The following TXNL1 variants were observed in gnomAD, a reference collection of about 807,000 sequenced individuals.
The protein encoded by TXNL1 is thioredoxin-like protein 1.
Under a neutral mutation model 35.5 loss-of-function variants are expected in TXNL1, and 14 were observed. The observed-to-expected ratio is 0.39, with a 90% CI of 0.26 to 0.62. The LOEUF (loss-of-function observed/expected upper bound fraction) is 0.62, where lower values mean the gene tolerates loss of function less well. Ranked by LOEUF, TXNL1 falls within the 20% of genes least tolerant of loss-of-function variation. TXNL1 has a pLI of 0.47. For missense variants in TXNL1, 263 were observed against 349.7 expected (o/e 0.75, Z 1.98); for synonymous variants, 110 against 115.5 (o/e 0.95, Z 0.31).
chr18:56,607,817 T>C (rs111559021), intron 7 of TXNL1, among the ~76,000 whole-genome samples: 5,698 of 152,098 alleles, frequency 0.037, 363 homozygotes, highest in African/African-American at 0.13. Context: ...GATCGCACCA[T>C]TGCACTACAG....
Position 56,638,579 on chromosome 18 carries a change from C to A in TXNL1, c.-139G>T. The A allele has an allele frequency of 1.2e-6, 1 of 823,162 alleles. No individual in the cohort carries two copies. Among genetic ancestry groups the A allele is most frequent in the Admixed American group, 3.2e-5 (1 of 31,462 alleles). The allele number at this position is 823,162 out of a possible 1,614,324, so 51.0% of individuals were successfully genotyped here. On this transcript the variant is annotated 5_prime_UTR_variant, in exon 1 of 8. Transcript: ENST00000217515. ...GAGGTGGCGACCGCCGAGTCTTCTC[C>A]CGGGACTCTCAGTGCCGAGTCACGC...
intron 1 of TXNL1, among the ~76,000 whole-genome samples, chr18:56,630,176 AAC>A (rs1331564787): frequency 6.6e-6 from 1 of 151,986 alleles, no homozygotes; most frequent in East Asian, 1.9e-4. Context: ...CAGCCTGGGC[AAC>A]AGAGCAAGAC....
At chr18:56,638,223 G>T in intron 1 of TXNL1, 120 bp downstream of exon 1, 3 of 1,026,362 alleles carry the variant, frequency 2.9e-6, no homozygotes, top group South Asian at 1.7e-5. Context: ...AGCTCCTGGG[G>T]CTGCGGCGAC....
rs77056997 is a variant in TXNL1 at position 56,627,793 on chromosome 18, A to G, written c.99-1336T>C. Among the ~76,000 whole-genome samples the G allele has an allele frequency of 1.4e-3, 216 of 152,174 alleles. 1 individual carries two copies. Among genetic ancestry groups the G allele is most frequent in the African/African-American group, 4.9e-3 (203 of 41,538 alleles). ...AACAAGGAGGGTTTTAGGAAAAAATACAGGAAGACACTTTCAAAACCTCAA... is the reference window on the plus strand; with the variant it reads ...AACAAGGAGGGTTTTAGGAAAAAATGCAGGAAGACACTTTCAAAACCTCAA... On this transcript the variant is annotated intron_variant, in intron 1 of 7. Coordinates refer to ENST00000217515, the MANE Select transcript of TXNL1 (RefSeq NM_004786.3).
intron 6 of TXNL1, among the ~76,000 whole-genome samples, chr18:56,614,080 T>A (rs570323939): frequency 1.3e-5 from 2 of 152,186 alleles, no homozygotes; most frequent in African/African-American, 4.8e-5. Flanking sequence ...TCAAGAAAAG[T>A]AAATAAGATT....
At position 56,597,819 on chromosome 18, in the gene TXNL1, A is replaced by G. The variant is rs891073998; in HGVS notation, c.*5208T>C. 1.8e-4 allele frequency: 27 copies of G among 152,212 alleles called. No individual in the cohort carries two copies. Among genetic ancestry groups the G allele is most frequent in the African/African-American group, 5.5e-4 (23 of 41,458 alleles). The allele number at this position is 152,212 out of a possible 1,614,324, so 9.4% of individuals were successfully genotyped here. A position where few individuals can be genotyped will look rare whatever the true frequency, so the allele number is the denominator to read the frequency against. On this transcript the variant is annotated 3_prime_UTR_variant, in exon 8 of 8. Coordinates refer to ENST00000217515, the MANE Select transcript of TXNL1 (RefSeq NM_004786.3). ...TCGCCACCCAAATACCAAAAATGCA[A>G]TTTAAGGCAATGTACCCAAAACCAT...
chr18:56,627,391 A>C (rs1012976367), intron 1 of TXNL1, among the ~76,000 whole-genome samples: 1 of 152,190 alleles, frequency 6.6e-6, no homozygotes, highest in Non-Finnish European at 1.5e-5. Flanking sequence ...GAAATTAACA[A>C]ATTTCCATTC....
chr18:56,631,970 A>AT (rs1287007849), intron 1 of TXNL1, among the ~76,000 whole-genome samples: 1 of 151,962 alleles, frequency 6.6e-6, no homozygotes, highest in African/African-American at 2.4e-5. Flanking sequence ...TAAAACAGAC[A>AT]TAACCTAATA....
At chr18:56,617,367 G>A (rs1466231861) in intron 4 of TXNL1, among the ~76,000 whole-genome samples, 2 of 152,176 alleles carry the variant, frequency 1.3e-5, no homozygotes, top group African/African-American at 4.8e-5. Flanking sequence ...CCTAAAGCCA[G>A]TGAAGAGTCA....
In TXNL1 at chr18:56,601,041, C is replaced by G. The variant is rs2023804343; in HGVS notation, c.*1986G>C. ...TAATAAATAACTTCAGTTAAAATAACTAGAGTTACATTTTTTCAAATGCTC... is the reference window on the plus strand; with the variant it reads ...TAATAAATAACTTCAGTTAAAATAAGTAGAGTTACATTTTTTCAAATGCTC... On this transcript the variant is annotated 3_prime_UTR_variant, in exon 8 of 8. Transcript: ENST00000217515. 1.3e-5 allele frequency: 2 copies of G among 152,090 alleles called. No individual in the cohort carries two copies. The highest frequency in any genetic ancestry group is 4.8e-5 in the African/African-American group (2 of 41,408). The allele number at this position is 152,090 out of a possible 1,614,324, so 9.4% of individuals were successfully genotyped here.
In TXNL1 at chr18:56,597,670, C is replaced by T. The variant is rs1389983488; in HGVS notation, c.*5357G>A. ...TTTGCTCCTTAGTTTCATTCTCTCC[C>T]TTTATATTCTAAAAATTCCCATTCA... On this transcript the variant is annotated 3_prime_UTR_variant, in exon 8 of 8. Coordinates refer to ENST00000217515, the MANE Select transcript of TXNL1 (RefSeq NM_004786.3). 1 of 152,142 alleles carries T rather than the reference C, an allele frequency of 6.6e-6. No individual in the cohort carries two copies. The highest frequency in any genetic ancestry group is 1.5e-5 in the Non-Finnish European group (1 of 68,030). 9.4% of individuals were successfully genotyped at this position (152,142 alleles called of 1,614,324 possible).
intron 1 of TXNL1, among the ~76,000 whole-genome samples, chr18:56,633,123 G>C (rs918401451): frequency 2.0e-5 from 3 of 150,910 alleles, no homozygotes; most frequent in Non-Finnish European, 4.4e-5. Context: ...TCCAGCCTAA[G>C]CAACACGACA....
At chr18:56,605,417 A>G (rs567726717) in intron 7 of TXNL1, 25 of 152,364 alleles carry the variant, frequency 1.6e-4, no homozygotes, top group Middle Eastern at 3.4e-3. Flanking sequence ...TGTTACAAAA[A>G]TAGCTGATAC....
intron 1 of TXNL1, among the ~76,000 whole-genome samples, chr18:56,636,568 GA>G (rs1014741169): frequency 9.9e-5 from 15 of 151,788 alleles, no homozygotes; most frequent in African/African-American, 3.4e-4. Flanking sequence ...TTTTTACAAA[GA>G]AAAAAAATTT....
At chr18:56,607,620 G>C (rs2023921631) in intron 7 of TXNL1, among the ~76,000 whole-genome samples, 1 of 152,074 alleles carries the variant, frequency 6.6e-6, no homozygotes, top group Non-Finnish European at 1.5e-5. Context: ...CCAGTACTTT[G>C]GAAGACCAAG....
Position 56,603,083 on chromosome 18 carries a change from G to T in TXNL1, c.841-27C>A, listed in dbSNP as rs753107249. ...TAGAAAAACAAAAATAAGTTTATAT[G>T]TACATCCTATTGATTTTAAATATGA... On this transcript the variant is annotated intron_variant, in intron 7 of 7. Coordinates refer to ENST00000217515, the MANE Select transcript of TXNL1 (RefSeq NM_004786.3). The T allele has an allele frequency of 2.5e-6, 4 of 1,584,076 alleles. No homozygotes were observed. The Admixed American group carries it at 5.0e-5, about 20-fold the overall frequency.
intron 1 of TXNL1, among the ~76,000 whole-genome samples, chr18:56,634,689 A>G (rs1444278072): frequency 6.6e-6 from 1 of 152,216 alleles, no homozygotes; most frequent in Admixed American, 6.5e-5. Flanking sequence ...CCTAAACTTA[A>G]GAGCTAAAAC....
intron 1 of TXNL1, among the ~76,000 whole-genome samples, chr18:56,626,797 CTTTTTTTT>C (rs386387792): frequency 1.0e-3 from 56 of 55,012 alleles, no homozygotes; most frequent in Middle Eastern, 0.025. Context: ...CCAAGCCGGT[CTTTTTTTT>C]TTTTTTTTTT....
At chr18:56,624,243 G>A in intron 3 of TXNL1, 45 bp downstream of exon 3, 1 of 1,562,360 alleles carries the variant, frequency 6.4e-7, no homozygotes, top group African/African-American at 1.4e-5. Flanking sequence ...ATAATGACAT[G>A]TACAAGATAT....
Sources: gnomAD v4.1 joint callset for allele counts (sites outside exome capture counted in the v4.1 genomes callset) on GRCh38, gnomAD v4.1.1 for gene constraint, MANE v1.5 for transcripts, NCBI Gene and HGNC (gene_info 2026-07-23, HGNC 2026-07-21) for gene names.